Variants in MYO16 observed in about 807,000 individuals in gnomAD.
MYO16 encodes the protein myosin XVI, also known as unconventional myosin-XVI.
In MYO16, 94 loss-of-function variants were observed where a neutral mutation model predicts 205.3. The observed-to-expected ratio is 0.46, with a 90% CI of 0.39 to 0.54. The LOEUF (loss-of-function observed/expected upper bound fraction) is 0.54, where lower values mean the gene tolerates loss of function less well. Among genes scored for constraint, MYO16 ranks in the 20% least tolerant of loss-of-function variants. The probability of loss-of-function intolerance (pLI) is 0.00; values close to 1 mark genes in which losing one functional copy is unlikely to be tolerated. For missense variants in MYO16, 2,315 were observed against 2,387.5 expected, an observed-to-expected ratio of 0.97 and a Z score of 0.63; for synonymous variants, 988 against 954.0, an observed-to-expected ratio of 1.04 and a Z score of -0.66.
intron 16 of MYO16, among the ~76,000 whole-genome samples, chr13:108,943,660 A>G (rs2139321382): frequency 6.6e-6 from 1 of 152,194 alleles, no homozygotes; most frequent in East Asian, 1.9e-4. Flanking sequence ...CATGTTGGCC[A>G]GGCTGGTCTC....
intron 5 of MYO16, among the ~76,000 whole-genome samples, chr13:108,790,447 C>A (rs999334993): frequency 6.6e-6 from 1 of 152,064 alleles, no homozygotes; most frequent in East Asian, 1.9e-4. Context: ...TACTAAATTT[C>A]TTTCAAAATA....
At chr13:108,714,080 A>G (rs142586949) in intron 3 of MYO16, among the ~76,000 whole-genome samples, 1,899 of 152,182 alleles carry the variant, frequency 0.012, 29 homozygotes, top group Middle Eastern at 0.041. Context: ...TTGTTGAGAC[A>G]GAGTCTCACT....
At chr13:109,138,605 C>T (rs1022254320) in intron 31 of MYO16, among the ~76,000 whole-genome samples, 4 of 151,798 alleles carry the variant, frequency 2.6e-5, no homozygotes, top group Non-Finnish European at 5.9e-5. Context: ...CTTTTTTCAA[C>T]GTCAGAAGTT....
chr13:108,641,863 T>C (rs1880518007), intron 1 of MYO16, among the ~76,000 whole-genome samples: 1 of 152,174 alleles, frequency 6.6e-6, no homozygotes, highest in Admixed American at 6.5e-5. Flanking sequence ...TGAAATTCAG[T>C]AAATCATGGC....
At chr13:108,583,309 A>G in the MYO16 span, among the ~76,000 whole-genome samples, 2 of 152,226 alleles carry the variant, frequency 1.3e-5, no homozygotes, top group Non-Finnish European at 2.9e-5. Context: ...GAGATGGAAT[A>G]AAGACTCATG....
intron 25 of MYO16, chr13:109,054,292 A>G: frequency 2.5e-6 from 1 of 403,650 alleles, no homozygotes; most frequent in Admixed American, 2.9e-5. Context: ...AGAGTCTACT[A>G]CCATTTTTTA....
At chr13:109,187,929 T>G (rs561878398) in intron 34 of MYO16, among the ~76,000 whole-genome samples, 6 of 152,316 alleles carry the variant, frequency 3.9e-5, no homozygotes, top group Admixed American at 6.5e-5. Context: ...TTTTCATCTA[T>G]TCCTGAGAGA....
chr13:109,121,284 T>A (rs1656206980), intron 29 of MYO16, among the ~76,000 whole-genome samples: 1 of 152,102 alleles, frequency 6.6e-6, no homozygotes, highest in African/African-American at 2.4e-5. Flanking sequence ...CTTCCAGGGT[T>A]AATGAGGAGG....
At chr13:108,995,211 G>C (rs1884963840) in intron 21 of MYO16, among the ~76,000 whole-genome samples, 1 of 152,120 alleles carries the variant, frequency 6.6e-6, no homozygotes, top group African/African-American at 2.4e-5. Context: ...AGGGCTCTCT[G>C]CTTCATAGAT....
intron 27 of MYO16, among the ~76,000 whole-genome samples, chr13:109,064,038 G>A (rs970768165): frequency 1.3e-5 from 2 of 152,138 alleles, no homozygotes; most frequent in African/African-American, 2.4e-5. Flanking sequence ...ATCCATGTAT[G>A]TATTCATTTC....
In MYO16 at chr13:109,034,351, G is replaced by A. The variant is rs542077255; in HGVS notation, c.2797-12565G>A. ...GACCAGGTGGAGGTGATTGAATCAT[G>A]GGGGTGGTTTGCCCTGTGCTGGTCT... On this transcript the variant is annotated intron_variant, in intron 23 of 34. Transcript: ENST00000457511. Among the ~76,000 whole-genome samples, 66 of 152,276 alleles carry A rather than the reference G, an allele frequency of 4.3e-4. No homozygotes were observed. The South Asian group carries it at 0.013, about 30-fold the overall frequency.
chr13:108,972,205 GTCTCTCTC>G lies in MYO16; in HGVS notation c.2369+7341_2369+7348del, dbSNP rs749547949. 4.5e-4 allele frequency among the ~76,000 whole-genome samples: 5 copies of G among 11,138 alleles called. 1 individual carries two copies. Among genetic ancestry groups the G allele is most frequent in the African/African-American group, 8.3e-4 (2 of 2,416 alleles). The allele number at this position is 11,138 out of a possible 152,430, so 7.3% of individuals were successfully genotyped here. A position where few individuals can be genotyped will look rare whatever the true frequency, so the allele number is the denominator to read the frequency against. ...AGCCTGGATGACAGACTGAGACCCT[GTCTCTCTC>G]TCTCTCTCTCTCTCTCTCTCTCTCT... On this transcript the variant is annotated intron_variant, in intron 20 of 34. Transcript: ENST00000457511.
At chr13:108,746,861 T>G (rs1885080978) in intron 4 of MYO16, among the ~76,000 whole-genome samples, 1 of 152,072 alleles carries the variant, frequency 6.6e-6, no homozygotes, top group African/African-American at 2.4e-5. Flanking sequence ...GTATAGCATA[T>G]TTGAAATGCT....
chr13:109,195,478 T>C (rs1218800412), intron 34 of MYO16, among the ~76,000 whole-genome samples: 1 of 152,174 alleles, frequency 6.6e-6, no homozygotes, highest in Non-Finnish European at 1.5e-5. Context: ...TCACACTTTA[T>C]GCTATATCTT....
chr13:108,648,165 G>C (rs1369445721), intron 1 of MYO16, among the ~76,000 whole-genome samples: 1 of 152,172 alleles, frequency 6.6e-6, no homozygotes, highest in Non-Finnish European at 1.5e-5. Context: ...TGCAAGAATT[G>C]GGCTCAATGG....
intron 23 of MYO16, among the ~76,000 whole-genome samples, chr13:109,022,613 A>C (rs1384962776): frequency 7.5e-6 from 1 of 132,948 alleles, no homozygotes; most frequent in Non-Finnish European, 1.6e-5. Flanking sequence ...TACGCATATA[A>C]ACATATGTAT....
At chr13:109,128,384 A>G (rs1387668487) in intron 31 of MYO16, among the ~76,000 whole-genome samples, 1 of 152,214 alleles carries the variant, frequency 6.6e-6, no homozygotes, top group African/African-American at 2.4e-5. Context: ...AGAGGTTGAG[A>G]TTCTAAATGA....
rs1878589107 is a variant in MYO16 at position 109,165,123 on chromosome 13, A to C, written c.5323+64A>C. ...TTTTAGGCTGTATCAACTTTCTGGG[A>C]GGAATGGATTTAAAATATGAAAATG... is the stretch of plus-strand genomic sequence containing the variant. On this transcript the variant is annotated intron_variant, in intron 33 of 34. Coordinates refer to ENST00000457511, the MANE Select transcript of MYO16 (RefSeq NM_001198950.3). 27 of 1,259,400 alleles carry C rather than the reference A, an allele frequency of 2.1e-5. No homozygotes were observed. In the South Asian group the frequency reaches 3.8e-4, roughly 18 times the overall value. The allele number at this position is 1,259,400 out of a possible 1,614,324, so 78.0% of individuals were successfully genotyped here. A position where few individuals can be genotyped will look rare whatever the true frequency, so the allele number is the denominator to read the frequency against.
At chr13:109,205,769 G>A (rs1188534153) in intron 34 of MYO16, among the ~76,000 whole-genome samples, 1 of 152,084 alleles carries the variant, frequency 6.6e-6, no homozygotes, top group Non-Finnish European at 1.5e-5. Context: ...TCTCTTCAGG[G>A]GCCATAGTGA....
Sources: allele counts gnomAD v4.1 joint callset (sites outside exome capture counted in the v4.1 genomes callset), GRCh38; gene constraint gnomAD v4.1.1; transcripts MANE v1.5; gene names NCBI Gene and HGNC (gene_info 2026-07-23, HGNC 2026-07-21).